RPS6KC1: variants seen among roughly 807,000 people sequenced by gnomAD.
RPS6KC1 encodes the protein inactive ribosomal protein S6 kinase delta-1.
A neutral mutation model predicts 103.8 loss-of-function variants in RPS6KC1; 54 were observed. The observed-to-expected ratio is 0.52, with a 90% CI of 0.42 to 0.65. The LOEUF (loss-of-function observed/expected upper bound fraction) is 0.65, where lower values mean the gene tolerates loss of function less well. Ranked by LOEUF, RPS6KC1 falls within the 30% of genes least tolerant of loss-of-function variation. The pLI is 0.00. For missense variants in RPS6KC1, 1,151 were observed against 1,253.8 expected (o/e 0.92, Z 1.24); for synonymous variants, 439 against 438.7 (o/e 1.00, Z -0.01).
the RPS6KC1 span, among the ~76,000 whole-genome samples, chr1:213,761,549 A>G: frequency 6.6e-6 from 1 of 152,222 alleles, no homozygotes; most frequent in Non-Finnish European, 1.5e-5. Context: ...GTATCTGTGC[A>G]AAGGCTTACA....
At chr1:213,518,549 C>G in the RPS6KC1 span, among the ~76,000 whole-genome samples, 1 of 152,164 alleles carries the variant, frequency 6.6e-6, no homozygotes, top group South Asian at 2.1e-4. Context: ...CTTTTGGCTT[C>G]CAGACTTTAA....
At chr1:213,494,365 T>C in the RPS6KC1 span, among the ~76,000 whole-genome samples, 80 of 151,938 alleles carry the variant, frequency 5.3e-4, 1 homozygote, top group Non-Finnish European at 1.1e-3. Flanking sequence ...TTCTTTGATG[T>C]TTTCAAAAAA....
chr1:213,548,573 A>G, the RPS6KC1 span, among the ~76,000 whole-genome samples: 1 of 152,214 alleles, frequency 6.6e-6, no homozygotes, highest in African/African-American at 2.4e-5. Context: ...AGGTGGGAGA[A>G]TCGCTTGAAC....
At chr1:213,476,275 C>T in the RPS6KC1 span, among the ~76,000 whole-genome samples, 1 of 152,166 alleles carries the variant, frequency 6.6e-6, no homozygotes, top group African/African-American at 2.4e-5. Flanking sequence ...CTGCTTTCCT[C>T]TGGAGCCCTT....
the RPS6KC1 span, among the ~76,000 whole-genome samples, chr1:213,416,798 C>A: frequency 2.0e-5 from 3 of 152,278 alleles, no homozygotes; most frequent in East Asian, 5.8e-4. Context: ...CCCTTCCACT[C>A]CCCTCTTCCT....
At chr1:213,807,209 A>G in the RPS6KC1 span, among the ~76,000 whole-genome samples, 5 of 152,236 alleles carry the variant, frequency 3.3e-5, no homozygotes, top group African/African-American at 9.6e-5. Flanking sequence ...GGCTGCCCTT[A>G]GCATTTTTTC....
intron 4 of RPS6KC1, among the ~76,000 whole-genome samples, chr1:213,106,168 C>T (rs998684555): frequency 2.0e-5 from 3 of 151,514 alleles, no homozygotes; most frequent in Non-Finnish European, 2.9e-5. Context: ...GCGTGCTAGG[C>T]GGGAACAGGA....
chr1:213,533,509 G>A, the RPS6KC1 span, among the ~76,000 whole-genome samples: 1 of 152,148 alleles, frequency 6.6e-6, no homozygotes, highest in Non-Finnish European at 1.5e-5. Flanking sequence ...ACTTTCTGTA[G>A]TGGTTTATTA....
the RPS6KC1 span, among the ~76,000 whole-genome samples, chr1:213,557,611 A>G: frequency 5.9e-5 from 9 of 152,180 alleles, no homozygotes. Flanking sequence ...GAGGATACAA[A>G]ATATTTTATT....
the RPS6KC1 span, among the ~76,000 whole-genome samples, chr1:213,581,995 C>T: frequency 6.6e-6 from 1 of 151,926 alleles, no homozygotes; most frequent in South Asian, 2.1e-4. Context: ...GCATTTTGTA[C>T]CTGCCCACAT....
chr1:213,392,949 A>G, the RPS6KC1 span, among the ~76,000 whole-genome samples: 4 of 152,222 alleles, frequency 2.6e-5, no homozygotes, highest in Non-Finnish European at 4.4e-5. Flanking sequence ...TTCTGGAAAG[A>G]GAAATATGTG....
intron 8 of RPS6KC1, among the ~76,000 whole-genome samples, chr1:213,188,828 G>A (rs1189104604): frequency 4.2e-5 from 5 of 118,500 alleles, no homozygotes; most frequent in Admixed American, 8.1e-5. Flanking sequence ...CAAATTTTCC[G>A]CAAGGTTTTT....
At chr1:213,366,310 CTG>C in the RPS6KC1 span, among the ~76,000 whole-genome samples, 2 of 152,222 alleles carry the variant, frequency 1.3e-5, no homozygotes, top group East Asian at 1.9e-4. Context: ...GGAAACGACT[CTG>C]TGAACTGTAA....
At chr1:213,603,800 C>T in the RPS6KC1 span, among the ~76,000 whole-genome samples, 4 of 151,954 alleles carry the variant, frequency 2.6e-5, no homozygotes, top group Admixed American at 2.6e-4. Flanking sequence ...GCGCAGGTTG[C>T]AGTGAACTGA....
intron 8 of RPS6KC1, among the ~76,000 whole-genome samples, chr1:213,214,765 G>A (rs181859152): frequency 1.2e-3 from 180 of 152,240 alleles, no homozygotes; most frequent in African/African-American, 3.2e-3. Flanking sequence ...CAGGCAAACA[G>A]GGTCTGGAGT....
chr1:213,424,674 TTTG>T, the RPS6KC1 span, among the ~76,000 whole-genome samples: 1 of 152,200 alleles, frequency 6.6e-6, no homozygotes, highest in South Asian at 2.1e-4. Context: ...CGACTTTCAT[TTTG>T]TTGTTGTTTT....
At chr1:213,785,478 C>T in the RPS6KC1 span, among the ~76,000 whole-genome samples, 1 of 151,986 alleles carries the variant, frequency 6.6e-6, no homozygotes, top group South Asian at 2.1e-4. Context: ...ATCTTTAGCC[C>T]AAAAGATCAG....
chr1:213,503,337 C>T, the RPS6KC1 span, among the ~76,000 whole-genome samples: 336 of 152,196 alleles, frequency 2.2e-3, 2 homozygotes, highest in South Asian at 9.3e-3. Context: ...TAGAGATAGC[C>T]GATAACTTGT....
At chr1:213,654,658 A>G in the RPS6KC1 span, among the ~76,000 whole-genome samples, 1 of 152,208 alleles carries the variant, frequency 6.6e-6, no homozygotes, top group African/African-American at 2.4e-5. Context: ...AGGGGAATTA[A>G]AGATTTATTT....
Sources: gnomAD v4.1 joint callset for allele counts (sites outside exome capture counted in the v4.1 genomes callset) on GRCh38, gnomAD v4.1.1 for gene constraint, MANE v1.5 for transcripts, NCBI Gene and HGNC (gene_info 2026-07-23, HGNC 2026-07-21) for gene names.